CDH26: variants seen among roughly 807,000 people sequenced by gnomAD.
CDH26 encodes the protein cadherin-like protein 26.
Under a neutral mutation model 90.3 loss-of-function variants are expected in CDH26, and 83 were observed. The observed-to-expected ratio is 0.92, with a 90% CI of 0.77 to 1.10. The LOEUF (loss-of-function observed/expected upper bound fraction) is 1.10. CDH26 is among the 50% of genes least tolerant of loss of function. The pLI, the probability that CDH26 is intolerant of heterozygous loss-of-function variation, is 0.00. For missense variants in CDH26, 1,013 were observed against 1,037.6 expected, an observed-to-expected ratio of 0.98 and a Z score of 0.33; for synonymous variants, 397 against 396.3, an observed-to-expected ratio of 1.00 and a Z score of -0.02.
At chr20:59,996,491 T>C (rs1384820185) in intron 12 of CDH26, 140 bp from the exon 13 acceptor site, 5 of 1,612,168 alleles carry the variant, frequency 3.1e-6, no homozygotes, top group African/African-American at 1.3e-5. Flanking sequence ...TGCTGAACTT[T>C]ATAGCTACAC....
chr20:60,015,406 A>G (rs2061896595), downstream of CDH26, among the ~76,000 whole-genome samples: 1 of 151,988 alleles, frequency 6.6e-6, no homozygotes, highest in African/African-American at 2.4e-5. Context: ...TTTTTCATAT[A>G]TTTTTTGGCC....
At chr20:60,010,146 C>A (rs2061811986) in intron 17 of CDH26, among the ~76,000 whole-genome samples, 1 of 151,736 alleles carries the variant, frequency 6.6e-6, no homozygotes, top group African/African-American at 2.4e-5. Flanking sequence ...TCCTGAGAAC[C>A]AGAGGAAGCT....
intron 1 of CDH26, among the ~76,000 whole-genome samples, chr20:59,967,865 C>CTTTCTT (rs2061178827): frequency 1.8e-5 from 2 of 108,206 alleles, no homozygotes; most frequent in Non-Finnish European, 3.4e-5. Flanking sequence ...TTCTTTCTTT[C>CTTTCTT]TTTCTTTCTT....
intron 14 of CDH26, among the ~76,000 whole-genome samples, chr20:59,999,887 G>T (rs1190817741): frequency 2.0e-5 from 3 of 152,192 alleles, no homozygotes; most frequent in Non-Finnish European, 4.4e-5. Context: ...GGTGTCAGAT[G>T]ACCCTGTGCT....
intron 16 of CDH26, among the ~76,000 whole-genome samples, chr20:60,004,706 C>T (rs1403392049): frequency 1.4e-5 from 2 of 141,692 alleles, no homozygotes; most frequent in Admixed American, 1.5e-4. Flanking sequence ...GCGGCGCTTG[C>T]AGTGAGCCAA....
intron 8 of CDH26, among the ~76,000 whole-genome samples, chr20:60,033,011 AG>A (rs1008934898): frequency 3.3e-5 from 5 of 152,150 alleles, no homozygotes; most frequent in African/African-American, 1.2e-4. Flanking sequence ...TAAAAAAAAA[AG>A]AATCACATTT....
chr20:60,004,255 G>A (rs1458529497), intron 16 of CDH26, among the ~76,000 whole-genome samples: 1 of 152,214 alleles, frequency 6.6e-6, no homozygotes, highest in African/African-American at 2.4e-5. Flanking sequence ...GTACAGTCAT[G>A]TCTGGCTTAA....
At chr20:59,991,108 T>G (rs2061522519) in intron 9 of CDH26, among the ~76,000 whole-genome samples, 1 of 152,088 alleles carries the variant, frequency 6.6e-6, no homozygotes. Context: ...CCATAGAATT[T>G]GATTGAGAGG....
chr20:59,994,624 G>A, intron 11 of CDH26, 135 bp downstream of exon 11: 1 of 1,099,218 alleles, frequency 9.1e-7, no homozygotes, highest in South Asian at 1.6e-5. Context: ...GGCTCTAGGT[G>A]CTCAAAGGAT....
chr20:59,972,096 C>T lies in CDH26; in HGVS notation c.366C>T (p.Val122=), dbSNP rs558424677. The T allele has an allele frequency of 5.5e-4, 880 of 1,613,726 alleles. 9 individuals carry two copies. The South Asian group carries it at 8.8e-3, about 16-fold the overall frequency. The change falls in exon 4 of 18, where the codon GTC becomes GTT. Residue 122 remains valine, a synonymous_variant. Transcript: ENST00000348616. Reference sequence around the variant, plus strand: ...GAAGGATATATGTTCACCGCCCTGTCGATCGAGAAATGACACCATCTTTCA... The same window carrying T: ...GAAGGATATATGTTCACCGCCCTGTTGATCGAGAAATGACACCATCTTTCA... ...ENGRIYVHRP[V]DREMTPSFTV... is the part of the protein sequence containing the mutation.
chr20:59,975,671 A>G (rs1318972720), intron 4 of CDH26, among the ~76,000 whole-genome samples: 2 of 152,190 alleles, frequency 1.3e-5, no homozygotes. Flanking sequence ...CAAATTGAGC[A>G]TCCTAGCTTA....
At position 59,999,685 on chromosome 20, in the gene CDH26, T is replaced by C. The variant is rs537127740; in HGVS notation, c.2097+22T>C. 15 of 1,612,322 alleles carry C rather than the reference T, an allele frequency of 9.3e-6. No individual in the cohort carries two copies. In the African/African-American group the frequency reaches 1.7e-4, roughly 19 times the overall value. ...TAAGGTAACATGCCCCTTACTTGCT[T>C]CTGGATTTCAGAGAAGTGACTTTCC... On this transcript the variant is annotated intron_variant, in intron 14 of 17. Transcript: ENST00000348616.
intron 7 of CDH26, among the ~76,000 whole-genome samples, chr20:60,024,128 A>C (rs922485490): frequency 5.3e-5 from 8 of 152,268 alleles, no homozygotes; most frequent in African/African-American, 1.9e-4. Context: ...CAAAGAAACC[A>C]GCAGTTTGGT....
At chr20:60,018,935 CTG>C (rs2061930294), downstream of CDH26, among the ~76,000 whole-genome samples, 1 of 151,774 alleles carries the variant, frequency 6.6e-6, no homozygotes. Flanking sequence ...TTTTGCTTGT[CTG>C]TGAAAGATTT....
intron 8 of CDH26, among the ~76,000 whole-genome samples, chr20:60,031,639 G>T (rs956667162): frequency 5.9e-5 from 9 of 152,160 alleles, no homozygotes; most frequent in African/African-American, 2.2e-4. Flanking sequence ...GTTGTATTTT[G>T]CTGATTGGCT....
chr20:59,995,338 G>A (rs186774690), intron 11 of CDH26, among the ~76,000 whole-genome samples: 2 of 152,250 alleles, frequency 1.3e-5, no homozygotes, highest in South Asian at 2.1e-4. Flanking sequence ...GACTGAGGCC[G>A]CCCACCTGGG....
At chr20:59,993,879 C>G (rs1055930854) in intron 10 of CDH26, among the ~76,000 whole-genome samples, 1 of 152,200 alleles carries the variant, frequency 6.6e-6, no homozygotes, top group Non-Finnish European at 1.5e-5. Flanking sequence ...AACGCGGAGA[C>G]GCAGCGCATT....
At chr20:59,998,695 C>A (rs1487810664) in intron 13 of CDH26, among the ~76,000 whole-genome samples, 2 of 151,222 alleles carry the variant, frequency 1.3e-5, no homozygotes, top group Non-Finnish European at 1.5e-5. Flanking sequence ...GATTCCAAAT[C>A]TGTGATTGAT....
chr20:60,014,675 C>T (rs2061889957), downstream of CDH26: 1 of 152,108 alleles, frequency 6.6e-6, no homozygotes, highest in African/African-American at 2.4e-5. Flanking sequence ...TGTATATATA[C>T]CATGCTTTCT....
Sources: allele counts gnomAD v4.1 joint callset (sites outside exome capture counted in the v4.1 genomes callset), GRCh38; gene constraint gnomAD v4.1.1; transcripts MANE v1.5; gene names NCBI Gene and HGNC (gene_info 2026-07-23, HGNC 2026-07-21).